The following NEIL1 variants were observed in gnomAD, a reference collection of about 807,000 sequenced individuals.
The protein encoded by NEIL1 is nei like DNA glycosylase 1, also known as endonuclease 8-like 1.
Under a neutral mutation model 44.2 loss-of-function variants are expected in NEIL1, and 31 were observed. That is an observed-to-expected ratio of 0.70 (90% CI 0.53 to 0.95). The LOEUF is 0.95. Among genes scored for constraint, NEIL1 ranks in the 40% least tolerant of loss-of-function variants. The probability of loss-of-function intolerance (pLI) is 0.00; values close to 1 mark genes in which losing one functional copy is unlikely to be tolerated. For missense variants in NEIL1, 549 were observed against 515.5 expected (o/e 1.07, Z -0.63); for synonymous variants, 254 against 209.7 (o/e 1.21, Z -1.83).
Position 75,355,778 on chromosome 15 carries a change from A to G in NEIL1, c.*744A>G, listed in dbSNP as rs1595872113. On this transcript the variant is annotated 3_prime_UTR_variant, in exon 10 of 10. Coordinates refer to ENST00000355059, the MANE Select transcript of NEIL1 (RefSeq NM_024608.4). ...AAGCGTGAGGATGGGCCCTAAGGGG[A>G]CTGAGCAGCAGGGTTCCCGATCCAA... The G allele has an allele frequency of 2.8e-6, 2 of 710,168 alleles. No homozygotes were observed. Among genetic ancestry groups the G allele is most frequent in the Non-Finnish European group, 4.2e-6 (2 of 481,768 alleles). 44.0% of individuals were successfully genotyped at this position (710,168 alleles called of 1,614,324 possible). A position where few individuals can be genotyped will look rare whatever the true frequency, so the allele number is the denominator to read the frequency against.
rs1484445083 is a variant in NEIL1, at chr15:75,347,044, G to T, written c.-452G>T. On this transcript the variant is annotated 5_prime_UTR_variant, in exon 1 of 10. Coordinates refer to ENST00000355059, the MANE Select transcript of NEIL1 (RefSeq NM_024608.4). ...GCGGTTCCTTCCGCCGGACACGTCGGGTTTCCTCGTTTTTGCGGACTGGCG... is the reference window on the plus strand; with the variant it reads ...GCGGTTCCTTCCGCCGGACACGTCGTGTTTCCTCGTTTTTGCGGACTGGCG... 6.6e-6 allele frequency: 1 copy of T among 152,214 alleles called. No homozygotes were observed. Among genetic ancestry groups the T allele is most frequent in the Non-Finnish European group, 1.5e-5 (1 of 68,044 alleles). 9.4% of individuals were successfully genotyped at this position (152,214 alleles called of 1,614,324 possible).
In NEIL1 at chr15:75,349,179, G is replaced by A. The variant is rs764632635; in HGVS notation, c.274G>A (p.Glu92Lys). The change falls in exon 2 of 10, where the codon GAG becomes AAG. Residue 92 changes from glutamate to lysine, a missense_variant. Coordinates refer to ENST00000355059, the MANE Select transcript of NEIL1 (RefSeq NM_024608.4). ...SGSFQLVPREELPRHAHLRFY... is the reference protein window; with the variant it reads ...SGSFQLVPREKLPRHAHLRFY... ...CTCTTTTCAGCTGGTGCCCCGCGAG[G>A]AGCTGCCACGCCATGCCCACCTGCG... 22 of 1,608,940 alleles carry A rather than the reference G, an allele frequency of 1.4e-5. No individual in the cohort carries two copies. The highest frequency in any genetic ancestry group is 6.7e-5 in the African/African-American group (5 of 74,942).
intron 2 of NEIL1, 53 bp downstream of exon 2, chr15:75,349,392 C>T (rs1595854193): frequency 1.3e-6 from 2 of 1,500,896 alleles, no homozygotes; most frequent in East Asian, 4.5e-5. Flanking sequence ...ACACCTGACT[C>T]TCTTAGTGCC....
Position 75,356,891 on chromosome 15 carries a change from A to T in NEIL1, c.*1857A>T. On this transcript the variant is annotated 3_prime_UTR_variant, in exon 10 of 10. Coordinates refer to ENST00000355059, the MANE Select transcript of NEIL1 (RefSeq NM_024608.4). This position sits in a 1 kb window ranked among gnomAD's most constrained non-coding sequence, Gnocchi z 5.8. ...CGTGTTCTGACAGATCCATCCAGCG[A>T]TGGGCCCACACCTGGAGGGCAGATC... 6.2e-7 allele frequency: 1 copy of T among 1,613,978 alleles called. No homozygotes were observed. Among genetic ancestry groups the T allele is most frequent in the Non-Finnish European group, 8.5e-7 (1 of 1,179,966 alleles).
In NEIL1 at chr15:75,352,151, C is replaced by T. The variant is rs1444074667; in HGVS notation, c.475C>T (p.Arg159Trp). The T allele has an allele frequency of 6.8e-6, 11 of 1,614,098 alleles. No homozygotes were observed. The highest frequency in any genetic ancestry group is 6.7e-5 in the East Asian group (3 of 44,886). The change falls in exon 3 of 10, where the codon CGG becomes TGG. Residue 159 changes from arginine (R) to tryptophan (W), a missense_variant. Arg to Trp is a moderately radical substitution (Grantham distance 101). Coordinates refer to ENST00000355059, the MANE Select transcript of NEIL1 (RefSeq NM_024608.4). ...LRNLADKAFD[R>W]PICEALLDQR... ...AAACCTAGCGGATAAGGCCTTTGAC[C>T]GGCCCATCTGCGAGGCCCTCCTGGA...
chr15:75,349,987 T>A (rs1014401896), intron 2 of NEIL1, among the ~76,000 whole-genome samples: 1 of 152,130 alleles, frequency 6.6e-6, no homozygotes, highest in Non-Finnish European at 1.5e-5. Flanking sequence ...GTGGAGGGGC[T>A]TTAATATGGT....
intron 5 of NEIL1, chr15:75,353,369 A>AC: frequency 3.0e-6 from 1 of 333,154 alleles, no homozygotes; most frequent in Non-Finnish European, 6.0e-6. Flanking sequence ...CTACAGGCTC[A>AC]CACCACCACA....
In NEIL1 at chr15:75,356,621, G is replaced by C. The variant is rs143948983; in HGVS notation, c.*1587G>C. 12 of 1,563,844 alleles carry C rather than the reference G, an allele frequency of 7.7e-6. No homozygotes were observed. In the African/African-American group the frequency reaches 1.6e-4, roughly 21 times the overall value. ...CAGCACTCACCCTTGTGCGGCATCAGTGCATAGGTGAACTCGTGGCGCCCC... is the reference window on the plus strand; with the variant it reads ...CAGCACTCACCCTTGTGCGGCATCACTGCATAGGTGAACTCGTGGCGCCCC... On this transcript the variant is annotated 3_prime_UTR_variant, in exon 10 of 10. Transcript: ENST00000355059. This position sits in a 1 kb window ranked among gnomAD's most constrained non-coding sequence, Gnocchi z 5.8.
At chr15:75,354,612 G>A in intron 8 of NEIL1, 41 bp from the exon 9 acceptor site, 1 of 1,613,774 alleles carries the variant, frequency 6.2e-7, no homozygotes, top group Non-Finnish European at 8.5e-7. Context: ...CCTCTGAACT[G>A]CTTTCTGAGC....
In NEIL1 at chr15:75,355,866, C is replaced by A. The variant is rs200547980; in HGVS notation, c.*832C>A. On this transcript the variant is annotated 3_prime_UTR_variant, in exon 10 of 10. Transcript: ENST00000355059. Reference sequence around the variant, plus strand: ...GGCTGGGGAAGCAGAAATTAGGAGTCCCCAGAGCCTTCTACAAACAAAACC... The same window carrying A: ...GGCTGGGGAAGCAGAAATTAGGAGTACCCAGAGCCTTCTACAAACAAAACC... 9.3e-6 allele frequency: 15 copies of A among 1,612,318 alleles called. No individual in the cohort carries two copies. Among genetic ancestry groups the A allele is most frequent in the Non-Finnish European group, 1.3e-5 (15 of 1,179,240 alleles).
chr15:75,354,155 G>C lies in NEIL1; in HGVS notation c.847-95G>C, dbSNP rs2072158122. 7 of 1,387,096 alleles carry C rather than the reference G, an allele frequency of 5.0e-6. No individual in the cohort carries two copies. The Admixed American group carries it at 5.1e-5, about 10-fold the overall frequency. 85.9% of individuals were successfully genotyped at this position (1,387,096 alleles called of 1,614,324 possible). On this transcript the variant is annotated intron_variant, in intron 6 of 9. Coordinates refer to ENST00000355059, the MANE Select transcript of NEIL1 (RefSeq NM_024608.4). ...GGCTTCCTAAGGGAGAAGCTACACT[G>C]ATCTGGATGGGTGTGTGTGAGTCCT...
chr15:75,354,131 G>A (rs2072155889), intron 6 of NEIL1, 119 bp from the exon 7 acceptor site: 6 of 1,227,216 alleles, frequency 4.9e-6, no homozygotes, highest in Non-Finnish European at 1.2e-6. Flanking sequence ...TGTCCTAGAG[G>A]CTTCCTAAGG....
intron 1 of NEIL1, chr15:75,347,988 C>T: frequency 8.1e-7 from 1 of 1,227,140 alleles, no homozygotes; most frequent in Non-Finnish European, 1.1e-6. Flanking sequence ...TCCGAACCGC[C>T]CGGGGACAGA....
intron 6 of NEIL1, 51 bp downstream of exon 6, chr15:75,353,917 G>A: frequency 6.2e-7 from 1 of 1,605,988 alleles, no homozygotes; most frequent in Non-Finnish European, 8.5e-7. Flanking sequence ...CTGATGGGTG[G>A]AAACGTGGGG....
chr15:75,355,274 G>A lies in NEIL1; in HGVS notation c.*240G>A. 2.0e-6 allele frequency: 1 copy of A among 494,308 alleles called. No homozygotes were observed. Among genetic ancestry groups the A allele is most frequent in the South Asian group, 2.3e-5 (1 of 43,866 alleles). 30.6% of individuals were successfully genotyped at this position (494,308 alleles called of 1,614,324 possible). On this transcript the variant is annotated 3_prime_UTR_variant, in exon 10 of 10. Coordinates refer to ENST00000355059, the MANE Select transcript of NEIL1 (RefSeq NM_024608.4). The stretch of plus-strand genomic sequence containing the variant: ...TTCTTGGCACCTCTTGGTCTGAGAT[G>A]GCCAGGTAGGAAGGGCCTGCTGTCC...
At chr15:75,349,381 C>T (rs1203543026) in intron 2 of NEIL1, 42 bp downstream of exon 2, 2 of 1,539,360 alleles carry the variant, frequency 1.3e-6, no homozygotes, top group Non-Finnish European at 8.8e-7. Flanking sequence ...TCGCGGGCTC[C>T]ACACCTGACT....
chr15:75,348,784 G>A (rs1187385133), intron 1 of NEIL1, 100 bp from the exon 2 acceptor site: 5 of 1,493,258 alleles, frequency 3.3e-6, no homozygotes, highest in Admixed American at 2.2e-5. Flanking sequence ...CTGGCCACAT[G>A]CCCATCTGAC....
chr15:75,357,015 C>A lies in NEIL1; in HGVS notation c.*1981C>A. 1 of 816,324 alleles carries A rather than the reference C, an allele frequency of 1.2e-6. No individual in the cohort carries two copies. Among genetic ancestry groups the A allele is most frequent in the Admixed American group, 2.2e-5 (1 of 44,848 alleles). The allele number at this position is 816,324 out of a possible 1,614,324, so 50.6% of individuals were successfully genotyped here. On this transcript the variant is annotated 3_prime_UTR_variant, in exon 10 of 10. Coordinates refer to ENST00000355059, the MANE Select transcript of NEIL1 (RefSeq NM_024608.4). ...CAAGCTCTAGAACCACACAACTGAA[C>A]TCCAGCTCCCACTGTACGGGGCCCT...
chr15:75,349,235 C>T lies in NEIL1; in HGVS notation c.330C>T (p.Leu110=), dbSNP rs768077437. 1.1e-5 allele frequency: 18 copies of T among 1,610,384 alleles called. No homozygotes were observed. The highest frequency in any genetic ancestry group is 1.7e-5 in the Admixed American group (1 of 59,994). Residue 110 remains leucine (L), a synonymous_variant, in exon 2 of 10, where the codon CTC becomes CTT. Coordinates refer to ENST00000355059, the MANE Select transcript of NEIL1 (RefSeq NM_024608.4). ...RFYTAPPGPR[L]ALCFVDIRRF... is the part of the protein sequence containing the mutation. Reference sequence around the variant, plus strand: ...ACACGGCCCCGCCTGGCCCCCGGCTCGCCCTATGTTTCGTGGACATCCGCC... The same window carrying T: ...ACACGGCCCCGCCTGGCCCCCGGCTTGCCCTATGTTTCGTGGACATCCGCC...
Sources: allele counts gnomAD v4.1 joint callset (sites outside exome capture counted in the v4.1 genomes callset), GRCh38; gene constraint gnomAD v4.1.1; non-coding constraint Gnocchi (gnomAD v3.1); transcripts MANE v1.5; gene names NCBI Gene and HGNC (gene_info 2026-07-23, HGNC 2026-07-21).